PCDHA3: variants seen among roughly 807,000 people sequenced by gnomAD.
PCDHA3 encodes the protein protocadherin alpha-3.
In PCDHA3, 41 loss-of-function variants were observed where a neutral mutation model predicts 62.2. That is an observed-to-expected ratio of 0.66 (90% CI 0.51 to 0.86). The LOEUF (loss-of-function observed/expected upper bound fraction) is 0.86. PCDHA3 is among the 40% of genes least tolerant of loss of function. The pLI is 0.00. For missense variants in PCDHA3, 1,304 were observed against 1,241.2 expected, an observed-to-expected ratio of 1.05 and a Z score of -0.76; for synonymous variants, 640 against 555.4, an observed-to-expected ratio of 1.15 and a Z score of -2.14.
chr5:140,893,662 A>T (rs1462433571), intron 1 of PCDHA3, among the ~76,000 whole-genome samples: 5 of 152,204 alleles, frequency 3.3e-5, no homozygotes, highest in African/African-American at 1.2e-4. Context: ...GTTTTAAAAA[A>T]TTTCAGCACT....
chr5:140,982,678 C>T (rs781968397), intron 3 of PCDHA3, 115 bp downstream of exon 3: 29 of 1,438,778 alleles, frequency 2.0e-5, no homozygotes, highest in Non-Finnish European at 2.6e-5. Context: ...TTTGTTATTC[C>T]CTTTTTTCCA....
intron 1 of PCDHA3, among the ~76,000 whole-genome samples, chr5:140,840,345 T>C (rs2150306031): frequency 3.9e-5 from 6 of 151,972 alleles, no homozygotes; most frequent in Non-Finnish European, 7.4e-5. Flanking sequence ...TGTTAGGGTA[T>C]ACAGGTAAAA....
At chr5:140,938,508 A>G (rs1563167946) in intron 1 of PCDHA3, among the ~76,000 whole-genome samples, 1 of 152,046 alleles carries the variant, frequency 6.6e-6, no homozygotes, top group African/African-American at 2.4e-5. Context: ...AATTTATCAC[A>G]TATTTTCTGT....
chr5:140,843,665 T>G (rs2150364674), intron 1 of PCDHA3: 2 of 1,593,538 alleles, frequency 1.3e-6, no homozygotes, highest in South Asian at 1.1e-5. Flanking sequence ...TGATCTGGGA[T>G]CAGTTGATGT....
At chr5:140,966,350 A>C in intron 1 of PCDHA3, 1 of 397,418 alleles carries the variant, frequency 2.5e-6, no homozygotes, top group Non-Finnish European at 4.4e-6. Flanking sequence ...GGTGAAGGAG[A>C]TGGGGCTGGA....
At chr5:141,003,095 T>C (rs1245011518) in intron 3 of PCDHA3, among the ~76,000 whole-genome samples, 3 of 152,258 alleles carry the variant, frequency 2.0e-5, no homozygotes, top group African/African-American at 7.2e-5. Flanking sequence ...AGGCCTGGCA[T>C]TTGCTTCACA....
intron 3 of PCDHA3, among the ~76,000 whole-genome samples, chr5:140,986,226 C>T (rs2097191326): frequency 6.6e-6 from 1 of 152,168 alleles, no homozygotes; most frequent in African/African-American, 2.4e-5. Context: ...TCTCTAGCCT[C>T]CCCTCTGTGT....
intron 1 of PCDHA3, chr5:140,824,043 G>A (rs1767979919): frequency 6.2e-7 from 1 of 1,614,042 alleles, no homozygotes; most frequent in Non-Finnish European, 8.5e-7. Context: ...GGAGACAGAG[G>A]GTGTGCTCTG....
intron 1 of PCDHA3, chr5:140,835,747 T>C: frequency 6.2e-7 from 1 of 1,613,592 alleles, no homozygotes; most frequent in Non-Finnish European, 8.5e-7. Flanking sequence ...GCCCCGGCGT[T>C]CGCGCAGCCC....
At chr5:140,933,928 T>G (rs1055877190) in intron 1 of PCDHA3, among the ~76,000 whole-genome samples, 1 of 152,080 alleles carries the variant, frequency 6.6e-6, no homozygotes, top group Non-Finnish European at 1.5e-5. Flanking sequence ...TGTCCTGTTG[T>G]GACTTTTTTT....
At chr5:140,912,170 T>C (rs961907962) in intron 1 of PCDHA3, among the ~76,000 whole-genome samples, 6 of 152,202 alleles carry the variant, frequency 3.9e-5, no homozygotes, top group African/African-American at 9.7e-5. Flanking sequence ...CTGGCTGTGC[T>C]GGCAGCTGAT....
intron 1 of PCDHA3, chr5:140,877,395 C>T (rs375548936): frequency 4.3e-6 from 7 of 1,613,958 alleles, no homozygotes; most frequent in Middle Eastern, 1.6e-4. Flanking sequence ...ATGAGGCGGA[C>T]GCTCCGCGCC....
At chr5:140,915,012 C>T (rs2076943122) in intron 1 of PCDHA3, among the ~76,000 whole-genome samples, 1 of 144,844 alleles carries the variant, frequency 6.9e-6, no homozygotes, top group Non-Finnish European at 1.5e-5. Context: ...GTGGCCTGAT[C>T]TTGGCTCACT....
At chr5:140,919,610 T>G (rs1173177727) in intron 1 of PCDHA3, among the ~76,000 whole-genome samples, 1 of 152,216 alleles carries the variant, frequency 6.6e-6, no homozygotes, top group Non-Finnish European at 1.5e-5. Flanking sequence ...AATTTTAAAC[T>G]GTATCTTTTG....
In PCDHA3 at chr5:140,904,790, G is replaced by T. The variant is rs139747501; in HGVS notation, c.2395-74159G>T. 2.6e-3 allele frequency among the ~76,000 whole-genome samples: 392 copies of T among 152,018 alleles called. 4 individuals carry two copies. In the East Asian group the frequency reaches 0.045, roughly 17 times the overall value. The stretch of plus-strand genomic sequence containing the variant: ...TGGTATCACATTATTGTTTTAATTT[G>T]CATTTTCCTGATAATTAGTGATGTT... On this transcript the variant is annotated intron_variant, in intron 1 of 3. Coordinates refer to ENST00000522353, the MANE Select transcript of PCDHA3 (RefSeq NM_018906.3).
At chr5:140,833,791 C>T (rs1164373898) in intron 1 of PCDHA3, among the ~76,000 whole-genome samples, 2 of 152,062 alleles carry the variant, frequency 1.3e-5, no homozygotes, top group Non-Finnish European at 2.9e-5. Context: ...TCTCTTTCAT[C>T]AATCAGTAGA....
intron 1 of PCDHA3, chr5:140,864,231 T>C (rs949424981): frequency 6.6e-6 from 1 of 152,222 alleles, no homozygotes; most frequent in East Asian, 1.9e-4. Flanking sequence ...AAGCAAGTTC[T>C]TTATTCCTAT....
chr5:140,996,341 C>T (rs1554255109), intron 3 of PCDHA3, among the ~76,000 whole-genome samples: 2 of 152,160 alleles, frequency 1.3e-5, no homozygotes, highest in African/African-American at 4.8e-5. Context: ...AGTTTGAAAA[C>T]CCAACCAAAG....
chr5:140,990,304 A>C (rs114506238), intron 3 of PCDHA3, among the ~76,000 whole-genome samples: 1 of 152,168 alleles, frequency 6.6e-6, no homozygotes, highest in African/African-American at 2.4e-5. Context: ...CATTGTCTGT[A>C]AAAAACCAAC....
Sources: gnomAD v4.1 joint callset for allele counts (sites outside exome capture counted in the v4.1 genomes callset) on GRCh38, gnomAD v4.1.1 for gene constraint, MANE v1.5 for transcripts, NCBI Gene and HGNC (gene_info 2026-07-23, HGNC 2026-07-21) for gene names.